Variants in TTBK2 observed in about 807,000 individuals in gnomAD.
The protein encoded by TTBK2 is tau-tubulin kinase 2.
TTBK2 carries 28 observed loss-of-function variants against 110.8 expected under a neutral mutation model. That is an observed-to-expected ratio of 0.25 (90% CI 0.19 to 0.35). The LOEUF (loss-of-function observed/expected upper bound fraction) is 0.35, where lower values mean the gene tolerates loss of function less well. TTBK2 is among the 10% of genes least tolerant of loss of function. The probability of loss-of-function intolerance (pLI) is 1.00; values close to 1 mark genes in which losing one functional copy is unlikely to be tolerated. For missense variants in TTBK2, 1,369 were observed against 1,500.3 expected (o/e 0.91, Z 1.45); for synonymous variants, 532 against 527.3 (o/e 1.01, Z -0.12).
intron 1 of TTBK2, among the ~76,000 whole-genome samples, chr15:42,891,030 G>A (rs902419101): frequency 1.3e-5 from 2 of 151,858 alleles, no homozygotes; most frequent in Non-Finnish European, 2.9e-5. Flanking sequence ...CACCACGCCC[G>A]GCTAATTTTT....
intron 8 of TTBK2, 58 bp downstream of exon 8, chr15:42,811,630 A>T: frequency 7.1e-7 from 1 of 1,408,342 alleles, no homozygotes; most frequent in Non-Finnish European, 1.0e-6. Context: ...AAAAATGTTT[A>T]TTCAGCAGAA....
Position 42,745,843 on chromosome 15 carries a change from A to G in TTBK2, c.3687T>C (p.Thr1229=), listed in dbSNP as rs530117994. 1.0e-4 allele frequency: 163 copies of G among 1,614,018 alleles called. 1 individual carries two copies. In the South Asian group the frequency reaches 1.7e-3, roughly 17 times the overall value. The part of the protein sequence containing the change: ...SGSLHHHSAS[T]KTPQGKSKPA... ...GCTTACTCTTCCCTTGGGGGGTTTT[A>G]GTGCTGGCTGAGTGGTGGTGGAGGC... The change falls in exon 15 of 15, where the codon ACT becomes ACC. Residue 1229 remains threonine, a synonymous_variant. Transcript: ENST00000267890.
chr15:42,916,627 G>A (rs764380606), intron 1 of TTBK2, among the ~76,000 whole-genome samples: 3 of 152,230 alleles, frequency 2.0e-5, no homozygotes, highest in East Asian at 1.9e-4. Flanking sequence ...CACCACACCC[G>A]GCTGAAAAAT....
At chr15:42,850,783 C>T (rs950296188) in intron 3 of TTBK2, among the ~76,000 whole-genome samples, 11 of 151,804 alleles carry the variant, frequency 7.2e-5, no homozygotes, top group Non-Finnish European at 2.9e-5. Flanking sequence ...TTGTACTTTG[C>T]TTCTTGTCTT....
At chr15:42,881,236 T>A (rs911761037) in intron 1 of TTBK2, among the ~76,000 whole-genome samples, 1 of 139,710 alleles carries the variant, frequency 7.2e-6, no homozygotes, top group Non-Finnish European at 1.5e-5. Flanking sequence ...TGAGCCAAGA[T>A]TGTGCCACTG....
intron 1 of TTBK2, among the ~76,000 whole-genome samples, chr15:42,909,771 T>G (rs1218305822): frequency 1.3e-5 from 2 of 152,164 alleles, no homozygotes; most frequent in East Asian, 3.9e-4. Context: ...AAAACTAAAC[T>G]ACGTTAAATG....
At chr15:42,791,345 T>C (rs1255718985) in intron 10 of TTBK2, among the ~76,000 whole-genome samples, 3 of 152,200 alleles carry the variant, frequency 2.0e-5, no homozygotes, top group Non-Finnish European at 4.4e-5. Context: ...TCTAACCTTC[T>C]ACTATTTGGT....
At position 42,752,169 on chromosome 15, in the gene TTBK2, A is replaced by G. The variant is rs766166040; in HGVS notation, c.3077T>C (p.Leu1026Pro). The G allele has an allele frequency of 3.7e-6, 6 of 1,614,260 alleles. No homozygotes were observed. The highest frequency in any genetic ancestry group is 2.2e-5 in the East Asian group (1 of 44,888). ...CCTACTCAGGTGAGAATCTACTGTC[A>G]GTCTTGAAAAGGGAGTGAGCACTTC... ...EEEVLTPFSR[L>P]TVDSHLSRSA... The change falls in exon 14 of 15, where the codon CTG becomes CCG. Residue 1026 changes from leucine (L) to proline (P), a missense_variant. By Grantham distance (98) the Leu-to-Pro change is moderately conservative. Transcript: ENST00000267890.
At chr15:42,851,788 A>G (rs1893726433) in intron 3 of TTBK2, among the ~76,000 whole-genome samples, 1 of 152,156 alleles carries the variant, frequency 6.6e-6, no homozygotes, top group Admixed American at 6.5e-5. Flanking sequence ...CGGTAACAGT[A>G]GATAACAGTG....
In TTBK2 at chr15:42,783,618, G is replaced by T. The variant is rs1351969324; in HGVS notation, c.998C>A (p.Pro333His). 16 of 1,613,636 alleles carry T rather than the reference G, an allele frequency of 9.9e-6. No individual in the cohort carries two copies. The highest frequency in any genetic ancestry group is 1.3e-5 in the Non-Finnish European group (15 of 1,179,934). ...TTCTCGAAGCAAGTCTCCAGGGATG[G>T]GAGTAGCATTGGCAATTCTACATAT... ...PAAIGIANAT[P>H]IPGDLLRENT... Residue 333 changes from proline (P) to histidine (H), a missense_variant, in exon 11 of 15, where the codon CCC becomes CAC. By Grantham distance (77) the Pro-to-His change is moderately conservative (BLOSUM62 -2). Coordinates refer to ENST00000267890, the MANE Select transcript of TTBK2 (RefSeq NM_173500.4).
Position 42,794,517 on chromosome 15 carries a change from G to A in TTBK2, c.980+127C>T, listed in dbSNP as rs983323770. The A allele has an allele frequency of 1.2e-5, 16 of 1,293,870 alleles. No homozygotes were observed. The Admixed American group carries it at 1.9e-4, about 16-fold the overall frequency. The allele number at this position is 1,293,870 out of a possible 1,614,324, so 80.1% of individuals were successfully genotyped here. ...GCGTACATAAGAGCAATGTTAATTC[G>A]AGGAGATCCACAGGCTTTCCCGGAT... On this transcript the variant is annotated intron_variant, in intron 10 of 14. Coordinates refer to ENST00000267890, the MANE Select transcript of TTBK2 (RefSeq NM_173500.4).
chr15:42,893,200 TTA>T (rs575873224), intron 1 of TTBK2, among the ~76,000 whole-genome samples: 6 of 152,034 alleles, frequency 3.9e-5, no homozygotes, highest in Non-Finnish European at 7.4e-5. Flanking sequence ...CACTGAAAGC[TTA>T]TATGAAAAAT....
intron 1 of TTBK2, among the ~76,000 whole-genome samples, chr15:42,904,351 T>C (rs1255328256): frequency 6.6e-6 from 1 of 152,146 alleles, no homozygotes; most frequent in Non-Finnish European, 1.5e-5. Context: ...GAAAAATTAA[T>C]AACTTAGCTA....
In TTBK2 at chr15:42,775,160, G is replaced by A. The variant is rs776776204; in HGVS notation, c.1973C>T (p.Ala658Val). Reference sequence around the variant, plus strand: ...CGCTGTAAGGGGTCCTTCTGCCTGCGCCTCCATTAGACTTGTGGGCGTCGC... The same window carrying A: ...CGCTGTAAGGGGTCCTTCTGCCTGCACCTCCATTAGACTTGTGGGCGTCGC... ...IAATPTSLME[A>V]QAEGPLTAIT... The change falls in exon 13 of 15, where the codon GCG (alanine) becomes GTG (valine). Residue 658 changes from alanine (A) to valine (V), a missense_variant. Ala to Val is a moderately conservative substitution (Grantham distance 64, BLOSUM62 0). Coordinates refer to ENST00000267890, the MANE Select transcript of TTBK2 (RefSeq NM_173500.4). 3.5e-5 allele frequency: 56 copies of A among 1,613,870 alleles called. No individual in the cohort carries two copies. Among genetic ancestry groups the A allele is most frequent in the East Asian group, 4.5e-5 (2 of 44,878 alleles).
At chr15:42,860,448 A>T (rs1487905669) in intron 3 of TTBK2, among the ~76,000 whole-genome samples, 1 of 151,916 alleles carries the variant, frequency 6.6e-6, no homozygotes, top group Non-Finnish European at 1.5e-5. Flanking sequence ...AGGAACAACA[A>T]CAACAACAAC....
intron 13 of TTBK2, among the ~76,000 whole-genome samples, chr15:42,766,869 C>T (rs1369324491): frequency 6.6e-6 from 1 of 152,140 alleles, no homozygotes; most frequent in African/African-American, 2.4e-5. Flanking sequence ...CCAAAGTTCA[C>T]CACACAGTTG....
intron 11 of TTBK2, among the ~76,000 whole-genome samples, chr15:42,778,481 T>C (rs1360132768): frequency 1.3e-5 from 2 of 151,962 alleles, no homozygotes; most frequent in Non-Finnish European, 2.9e-5. Flanking sequence ...CTGGCCAACA[T>C]AGTAAAACCC....
At chr15:42,777,691 A>G (rs1889994056) in intron 11 of TTBK2, among the ~76,000 whole-genome samples, 1 of 152,210 alleles carries the variant, frequency 6.6e-6, no homozygotes, top group Non-Finnish European at 1.5e-5. Flanking sequence ...AAAAACAACA[A>G]AAAGCCTGGG....
chr15:42,862,226 T>C (rs1291782668), intron 3 of TTBK2, among the ~76,000 whole-genome samples: 1 of 152,106 alleles, frequency 6.6e-6, no homozygotes, highest in Non-Finnish European at 1.5e-5. Context: ...TCCTCCCTAA[T>C]TCATTCTATG....
Sources: allele counts gnomAD v4.1 joint callset (sites outside exome capture counted in the v4.1 genomes callset), GRCh38; gene constraint gnomAD v4.1.1; transcripts MANE v1.5; gene names NCBI Gene and HGNC (gene_info 2026-07-23, HGNC 2026-07-21).